The following MCM10 variants were observed in gnomAD, a reference collection of about 807,000 sequenced individuals.
MCM10 encodes protein MCM10 homolog.
Under a neutral mutation model 109.9 loss-of-function variants are expected in MCM10, and 91 were observed. The observed-to-expected ratio is 0.83, with a 90% CI of 0.70 to 0.99. MCM10 has a LOEUF of 0.99. MCM10 is among the 50% of genes least tolerant of loss of function. MCM10 has a pLI of 0.00. For synonymous variants in MCM10, 380 were observed against 387.2 expected (o/e 0.98, Z 0.22); for missense variants, 1,077 against 1,061.2 (o/e 1.01, Z -0.21).
chr10:13,185,125 T>G (rs1039767825), intron 8 of MCM10, among the ~76,000 whole-genome samples: 9 of 152,176 alleles, frequency 5.9e-5, no homozygotes, highest in Admixed American at 2.0e-4. Context: ...GGATCTGGGT[T>G]GAGCCAGTCC....
rs1834095657 is a variant in MCM10, at chr10:13,173,010, GC to G, written c.592+247del. Among the ~76,000 whole-genome samples, 4 of 152,096 alleles carry G rather than the reference GC, an allele frequency of 2.6e-5. No individual in the cohort carries two copies. In the South Asian group the frequency reaches 8.3e-4, roughly 32 times the overall value. On this transcript the variant is annotated intron_variant, in intron 5 of 19. Coordinates refer to ENST00000378714, the MANE Select transcript of MCM10 (RefSeq NM_018518.5). ...GATTGCTTGATCCTAGGAGTTTGAG[GC>G]CAGGCTGGGTAGTATAGCAAGACCC... is the stretch of plus-strand genomic sequence containing the variant.
intron 2 of MCM10, among the ~76,000 whole-genome samples, chr10:13,169,217 A>G (rs572702822): frequency 6.6e-6 from 1 of 152,336 alleles, no homozygotes; most frequent in Non-Finnish European, 1.5e-5. Flanking sequence ...TGTAAATCAG[A>G]CATTGCGTCC....
intron 11 of MCM10, 51 bp downstream of exon 11, chr10:13,191,450 C>A (rs781667166): frequency 1.4e-6 from 2 of 1,461,062 alleles, no homozygotes; most frequent in African/African-American, 2.8e-5. Flanking sequence ...AATTATGCAG[C>A]CTTAGGGATA....
At chr10:13,169,339 G>A (rs1020728709) in intron 2 of MCM10, among the ~76,000 whole-genome samples, 1 of 152,114 alleles carries the variant, frequency 6.6e-6, no homozygotes, top group African/African-American at 2.4e-5. Flanking sequence ...TTAAATCTCT[G>A]CACTTAACCT....
At chr10:13,207,782 G>A (rs1047888446) in intron 18 of MCM10, among the ~76,000 whole-genome samples, 1 of 152,224 alleles carries the variant, frequency 6.6e-6, no homozygotes, top group African/African-American at 2.4e-5. Flanking sequence ...GTGGAACTGA[G>A]TCCATTAAAC....
chr10:13,184,050 G>C (rs566504249), intron 8 of MCM10, among the ~76,000 whole-genome samples: 11 of 151,948 alleles, frequency 7.2e-5, no homozygotes, highest in African/African-American at 2.7e-4. Flanking sequence ...TTAGAGACGA[G>C]TTTTACCATG....
chr10:13,172,887 A>AGAAG lies in MCM10; in HGVS notation c.592+123_592+124insAAGG. On this transcript the variant is annotated intron_variant, in intron 5 of 19. Coordinates refer to ENST00000378714, the MANE Select transcript of MCM10 (RefSeq NM_018518.5). This position sits in a 1 kb window ranked among gnomAD's most constrained non-coding sequence, Gnocchi z 5.2. ...GTCTTATGTCCCCATTGAGAAAGAA[A>AGAAG]GTTTCTTGGGAATGGAAGCCACATG... 1 of 916,326 alleles carries AGAAG rather than the reference A, an allele frequency of 1.1e-6. No homozygotes were observed. The highest frequency in any genetic ancestry group is 1.6e-6 in the Non-Finnish European group (1 of 619,860). The allele number at this position is 916,326 out of a possible 1,614,324, so 56.8% of individuals were successfully genotyped here. A position where few individuals can be genotyped will look rare whatever the true frequency, so the allele number is the denominator to read the frequency against.
chr10:13,175,018 C>G (rs1274785297), intron 5 of MCM10, among the ~76,000 whole-genome samples: 1 of 151,988 alleles, frequency 6.6e-6, no homozygotes, highest in Non-Finnish European at 1.5e-5. Flanking sequence ...ATCCCAGCTA[C>G]TTGGGAGGCT....
At chr10:13,184,244 C>T (rs979286025) in intron 8 of MCM10, among the ~76,000 whole-genome samples, 66 of 152,204 alleles carry the variant, frequency 4.3e-4, no homozygotes, top group African/African-American at 1.5e-3. Context: ...CTACCCGCCT[C>T]GGCCTCCCAA....
intron 11 of MCM10, among the ~76,000 whole-genome samples, chr10:13,191,944 GC>G (rs1206784304): frequency 1.3e-5 from 2 of 152,150 alleles, no homozygotes; most frequent in Admixed American, 1.3e-4. Flanking sequence ...AGAGAATGCA[GC>G]CCCCATCCTG....
At chr10:13,168,730 T>C (rs1316459967) in intron 2 of MCM10, among the ~76,000 whole-genome samples, 1 of 152,204 alleles carries the variant, frequency 6.6e-6, no homozygotes, top group Non-Finnish European at 1.5e-5. Flanking sequence ...CCTTTTTAAA[T>C]CGTCCATCAG....
Position 13,180,437 on chromosome 10 carries a change from C to A in MCM10, c.765-5C>A. 4 of 1,606,580 alleles carry A rather than the reference C, an allele frequency of 2.5e-6. No homozygotes were observed. The highest frequency in any genetic ancestry group is 3.4e-6 in the Non-Finnish European group (4 of 1,177,168). On this transcript the variant is annotated splice_polypyrimidine_tract_variant and splice_region_variant and intron_variant, in intron 6 of 19. Transcript: ENST00000378714. Reference sequence around the variant, plus strand: ...TAATTACTAATCGCTGGTTTCTTAACCCAGGCGGCCTCGAGTATCCTCCAC... The same window carrying A: ...TAATTACTAATCGCTGGTTTCTTAAACCAGGCGGCCTCGAGTATCCTCCAC...
intron 13 of MCM10, among the ~76,000 whole-genome samples, chr10:13,193,462 T>C (rs543094898): frequency 1.3e-5 from 2 of 152,216 alleles, no homozygotes; most frequent in South Asian, 2.1e-4. Flanking sequence ...TTCTCAGCCT[T>C]GTTTTACTAA....
chr10:13,206,199 G>A (rs1389856529), intron 18 of MCM10, among the ~76,000 whole-genome samples: 4 of 151,998 alleles, frequency 2.6e-5, no homozygotes, highest in Non-Finnish European at 4.4e-5. Flanking sequence ...TTTCTCACTC[G>A]GCTCTGTGTT....
At chr10:13,207,178 G>A (rs1463822986) in intron 18 of MCM10, among the ~76,000 whole-genome samples, 1 of 152,030 alleles carries the variant, frequency 6.6e-6, no homozygotes, top group East Asian at 1.9e-4. Flanking sequence ...AGGCTTTGTG[G>A]GCCAGATGAT....
At chr10:13,195,000 G>A (rs1438187306) in intron 13 of MCM10, 41 bp from the exon 14 acceptor site, 16 of 1,574,650 alleles carry the variant, frequency 1.0e-5, no homozygotes, top group African/African-American at 6.8e-5. Context: ...TTTTATTTTC[G>A]TAAACCCTGT....
At chr10:13,179,635 C>T (rs1453152494) in intron 6 of MCM10, among the ~76,000 whole-genome samples, 2 of 152,086 alleles carry the variant, frequency 1.3e-5, no homozygotes, top group African/African-American at 4.8e-5. Flanking sequence ...ATGTTAATAA[C>T]CCTAAGAGTT....
chr10:13,208,351 G>A (rs1298488117), intron 18 of MCM10, among the ~76,000 whole-genome samples: 2 of 151,964 alleles, frequency 1.3e-5, no homozygotes, highest in Non-Finnish European at 2.9e-5. Context: ...TCGCACTACT[G>A]CACTCCAGCC....
At chr10:13,164,522 T>C (rs1190901805) in intron 2 of MCM10, among the ~76,000 whole-genome samples, 1 of 152,240 alleles carries the variant, frequency 6.6e-6, no homozygotes, top group Non-Finnish European at 1.5e-5. Flanking sequence ...ACGTATTTTA[T>C]AGGCAGAAAA....
Sources: gnomAD v4.1 joint callset for allele counts (sites outside exome capture counted in the v4.1 genomes callset) on GRCh38, gnomAD v4.1.1 for gene constraint, Gnocchi (gnomAD v3.1) non-coding constraint, MANE v1.5 for transcripts, NCBI Gene and HGNC (gene_info 2026-07-23, HGNC 2026-07-21) for gene names.